HTR2A: variants seen among roughly 807,000 people sequenced by gnomAD.
HTR2A encodes the protein 5-HT2 receptor.
A neutral mutation model predicts 31.0 loss-of-function variants in HTR2A; 14 were observed. The ratio of observed to expected loss-of-function variants is 0.45; its 90% CI spans 0.30 to 0.71. The LOEUF is 0.71. Among genes scored for constraint, HTR2A ranks in the 30% least tolerant of loss-of-function variants. The probability of loss-of-function intolerance (pLI) is 0.09; values close to 1 mark genes in which losing one functional copy is unlikely to be tolerated. For synonymous variants in HTR2A, 209 were observed against 225.2 expected, an observed-to-expected ratio of 0.93 and a Z score of 0.64; for missense variants, 442 against 573.3, an observed-to-expected ratio of 0.77 and a Z score of 2.34.
chr13:46,840,366 A>G (rs899655046), intron 3 of HTR2A, among the ~76,000 whole-genome samples: 1 of 152,320 alleles, frequency 6.6e-6, no homozygotes, highest in African/African-American at 2.4e-5. Flanking sequence ...TGAGAGCTAC[A>G]CAAACATGTC....
In HTR2A at chr13:46,846,406, A is replaced by G. The variant is rs531282325; in HGVS notation, c.614-10767T>C. Among the ~76,000 whole-genome samples, 68 of 152,306 alleles carry G rather than the reference A, an allele frequency of 4.5e-4. 1 individual carries two copies. The highest frequency in any genetic ancestry group is 3.4e-3 in the Middle Eastern group (1 of 292). ...ATCTCTGCTGTAGCTGAAACCTCCA[A>G]CCACTCTTGTTTGGTGCTAACAGAA... On this transcript the variant is annotated intron_variant, in intron 3 of 3. Coordinates refer to ENST00000542664, the MANE Select transcript of HTR2A (RefSeq NM_000621.5).
intron 3 of HTR2A, among the ~76,000 whole-genome samples, chr13:46,867,380 A>G (rs770993883): frequency 4.6e-5 from 7 of 152,216 alleles, no homozygotes; most frequent in Non-Finnish European, 1.0e-4. Flanking sequence ...AAATAACTTG[A>G]CAAGTTAAAA....
Position 46,895,601 on chromosome 13 carries a change from C to G in HTR2A, c.306G>C (p.Glu102Asp), listed in dbSNP as rs1453338877. ...AGTTGGTGGCATTCTGCAGCTTTTT[C>G]TCTAGGGACACTGCCATGATGACGA... is the stretch of plus-strand genomic sequence containing the variant. ...NILVIMAVSL[E>D]KKLQNATNYF... Residue 102 changes from glutamate to aspartate, a missense_variant, in exon 2 of 4, where the codon GAG becomes GAC. Physicochemically the swap from Glu to Asp is conservative, Grantham distance 45. This residue lies in a region of HTR2A where 86 missense variants were observed against 179.1 expected (regional missense o/e 0.48). Coordinates refer to ENST00000542664, the MANE Select transcript of HTR2A (RefSeq NM_000621.5). The surrounding 1 kb of genome is among the most constrained non-coding windows in gnomAD (Gnocchi z 4.4). 1.7e-5 allele frequency: 27 copies of G among 1,614,068 alleles called. No homozygotes were observed. Among genetic ancestry groups the G allele is most frequent in the Non-Finnish European group, 2.1e-5 (25 of 1,180,028 alleles).
intron 3 of HTR2A, among the ~76,000 whole-genome samples, chr13:46,857,030 G>A (rs562516279): frequency 9.9e-5 from 15 of 152,200 alleles, no homozygotes; most frequent in Admixed American, 3.9e-4. Context: ...GGCTGGGCGC[G>A]GTGGCTCACG....
chr13:46,845,081 C>T (rs1452224933), intron 3 of HTR2A, among the ~76,000 whole-genome samples: 1 of 151,656 alleles, frequency 6.6e-6, no homozygotes, highest in Non-Finnish European at 1.5e-5. Context: ...TACTGTGAAC[C>T]CTATGTACAC....
intron 3 of HTR2A, among the ~76,000 whole-genome samples, chr13:46,853,300 G>A (rs531293509): frequency 6.6e-6 from 1 of 152,218 alleles, no homozygotes; most frequent in Non-Finnish European, 1.5e-5. Context: ...TCCTCCATCT[G>A]TCCACATCTT....
chr13:46,852,660 C>T (rs531160357), intron 3 of HTR2A, among the ~76,000 whole-genome samples: 70 of 152,288 alleles, frequency 4.6e-4, no homozygotes, highest in African/African-American at 1.6e-3. Context: ...ATGCAGTTCA[C>T]GGCTGTAGAC....
intron 3 of HTR2A, among the ~76,000 whole-genome samples, chr13:46,889,862 C>T (rs1951037839): frequency 6.6e-6 from 1 of 152,196 alleles, no homozygotes; most frequent in African/African-American, 2.4e-5. Flanking sequence ...CTGCCTTTTT[C>T]CTTTTTACAT....
At chr13:46,863,369 T>C (rs2138216733) in intron 3 of HTR2A, among the ~76,000 whole-genome samples, 1 of 152,166 alleles carries the variant, frequency 6.6e-6, no homozygotes, top group East Asian at 1.9e-4. Flanking sequence ...TACCTATAAA[T>C]TTCAGCACTT....
Position 46,895,977 on chromosome 13 carries a change from C to G in HTR2A, c.-71G>C. On this transcript the variant is annotated 5_prime_UTR_variant, in exon 2 of 4. Transcript: ENST00000542664. The surrounding 1 kb of genome is among the most constrained non-coding windows in gnomAD (Gnocchi z 4.4). ...GGTTATAGTTTCTGCTCACCATTCA[C>G]CTTGATGTACCCACACTCTGTAACA... 1 of 1,530,280 alleles carries G rather than the reference C, an allele frequency of 6.5e-7. No individual in the cohort carries two copies. Among genetic ancestry groups the G allele is most frequent in the Non-Finnish European group, 8.7e-7 (1 of 1,143,952 alleles). The allele number at this position is 1,530,280 out of a possible 1,614,324, so 94.8% of individuals were successfully genotyped here. A position where few individuals can be genotyped will look rare whatever the true frequency, so the allele number is the denominator to read the frequency against.
chr13:46,868,117 C>A (rs1402300298), intron 3 of HTR2A, among the ~76,000 whole-genome samples: 1 of 152,176 alleles, frequency 6.6e-6, no homozygotes, highest in African/African-American at 2.4e-5. Flanking sequence ...TATTTTTAAA[C>A]ATTTTTCTTT....
intron 3 of HTR2A, among the ~76,000 whole-genome samples, chr13:46,852,931 T>C (rs1281237706): frequency 1.3e-5 from 2 of 152,056 alleles, no homozygotes; most frequent in Non-Finnish European, 2.9e-5. Flanking sequence ...TATATTTTTA[T>C]CTACTTAGGT....
intron 3 of HTR2A, among the ~76,000 whole-genome samples, chr13:46,885,050 G>GTT (rs199660181): frequency 6.6e-6 from 1 of 150,818 alleles, no homozygotes; most frequent in African/African-American, 2.4e-5. Flanking sequence ...GATATAGACT[G>GTT]TTTTTTTTTC....
chr13:46,832,508 T>C lies in HTR2A; in HGVS notation c.*2329A>G, dbSNP rs1225734555. 1 of 152,156 alleles carries C rather than the reference T, an allele frequency of 6.6e-6. No homozygotes were observed. Among genetic ancestry groups the C allele is most frequent in the Non-Finnish European group, 1.5e-5 (1 of 68,004 alleles). The allele number at this position is 152,156 out of a possible 1,614,324, so 9.4% of individuals were successfully genotyped here. ...ACATTAATGTACATTCTGATCAAGATTGAGTATATGGGGGTAGAATCTGTA... is the reference window on the plus strand; with the variant it reads ...ACATTAATGTACATTCTGATCAAGACTGAGTATATGGGGGTAGAATCTGTA... On this transcript the variant is annotated 3_prime_UTR_variant, in exon 4 of 4. Coordinates refer to ENST00000542664, the MANE Select transcript of HTR2A (RefSeq NM_000621.5).
chr13:46,892,852 A>G (rs1479686167), intron 2 of HTR2A, among the ~76,000 whole-genome samples: 3 of 152,124 alleles, frequency 2.0e-5, no homozygotes, highest in Admixed American at 6.5e-5. Context: ...GATGGTCTCT[A>G]TTTGGGGGTT....
intron 3 of HTR2A, among the ~76,000 whole-genome samples, chr13:46,885,527 C>T (rs1446608551): frequency 2.0e-5 from 3 of 152,196 alleles, no homozygotes; most frequent in Admixed American, 6.5e-5. Flanking sequence ...AGTGACATAT[C>T]TAAACATAAT....
Position 46,842,873 on chromosome 13 carries a change from C to T in HTR2A, c.614-7234G>A, listed in dbSNP as rs138425864. Among the ~76,000 whole-genome samples, 585 of 152,302 alleles carry T rather than the reference C, an allele frequency of 3.8e-3. 2 individuals are homozygous for T. The highest frequency in any genetic ancestry group is 0.02 in the Middle Eastern group (6 of 294). On this transcript the variant is annotated intron_variant, in intron 3 of 3. Transcript: ENST00000542664. ...GCTTGCTTGGTATACAGTAGTCCTCCCTTAAGCTTGCTTTCCCTTTCCATA... is the reference window on the plus strand; with the variant it reads ...GCTTGCTTGGTATACAGTAGTCCTCTCTTAAGCTTGCTTTCCCTTTCCATA...
chr13:46,835,251 C>T lies in HTR2A; in HGVS notation c.1002G>A (p.Val334=). 1 of 1,614,122 alleles carries T rather than the reference C, an allele frequency of 6.2e-7. No individual in the cohort carries two copies. Among genetic ancestry groups the T allele is most frequent in the Non-Finnish European group, 8.5e-7 (1 of 1,180,010 alleles). ...VLGIVFFLFV[V]MWCPFFITNI... Reference sequence around the variant, plus strand: ...TTGTGATGAAGAAAGGGCACCACATCACCACAAACAGGAAGAAGACGATGC... The same window carrying T: ...TTGTGATGAAGAAAGGGCACCACATTACCACAAACAGGAAGAAGACGATGC... The change falls in exon 4 of 4, where the codon GTG becomes GTA. Residue 334 remains valine (V), a synonymous_variant. Transcript: ENST00000542664.
intron 3 of HTR2A, among the ~76,000 whole-genome samples, chr13:46,868,472 G>A (rs1468209437): frequency 2.0e-5 from 3 of 152,182 alleles, no homozygotes; most frequent in Admixed American, 2.0e-4. Context: ...CCAACTCAAG[G>A]AACTGTGTAT....
Sources: gnomAD v4.1 joint callset for allele counts (sites outside exome capture counted in the v4.1 genomes callset) on GRCh38, gnomAD v4.1.1 for gene constraint, gnomAD v4.1.1 regional missense constraint, Gnocchi (gnomAD v3.1) non-coding constraint, MANE v1.5 for transcripts, NCBI Gene and HGNC (gene_info 2026-07-23, HGNC 2026-07-21) for gene names.